Variants in AFG2A observed in about 807,000 individuals in gnomAD.
AFG2A encodes the protein AAA ATPase AFG2A.
chr4:123,143,175 T>A, the AFG2A span, among the ~76,000 whole-genome samples: 2 of 150,254 alleles, frequency 1.3e-5, no homozygotes, highest in African/African-American at 2.5e-5. Context: ...TATTATTAGT[T>A]TTTCCAGAAA....
chr4:123,012,735 GAT>G, the AFG2A span, among the ~76,000 whole-genome samples: 1 of 152,308 alleles, frequency 6.6e-6, no homozygotes, highest in South Asian at 2.1e-4. Flanking sequence ...GTGGCACCAA[GAT>G]TGAAAGGAGA....
At chr4:123,108,115 C>G in the AFG2A span, among the ~76,000 whole-genome samples, 1 of 152,210 alleles carries the variant, frequency 6.6e-6, no homozygotes, top group Non-Finnish European at 1.5e-5. Flanking sequence ...CTAGCCGCAC[C>G]TACCCAGTGC....
At chr4:123,241,438 TC>T in the AFG2A span, among the ~76,000 whole-genome samples, 1 of 152,196 alleles carries the variant, frequency 6.6e-6, no homozygotes, top group Non-Finnish European at 1.5e-5. Context: ...TCCACTATGA[TC>T]AAGTCAGCTT....
the AFG2A span, among the ~76,000 whole-genome samples, chr4:123,172,462 A>G: frequency 1.3e-5 from 2 of 152,310 alleles, no homozygotes; most frequent in Admixed American, 1.3e-4. Context: ...ATCCCTAATA[A>G]CGTTTTACAT....
the AFG2A span, among the ~76,000 whole-genome samples, chr4:122,925,800 G>T: frequency 1.3e-5 from 2 of 152,128 alleles, no homozygotes; most frequent in African/African-American, 4.8e-5. Context: ...CATCCTACAA[G>T]GCTATAAACT....
the AFG2A span, among the ~76,000 whole-genome samples, chr4:123,060,630 G>C: frequency 6.6e-6 from 1 of 152,102 alleles, no homozygotes; most frequent in South Asian, 2.1e-4. Context: ...GGCAGGGGGG[G>C]CCCTGGACCT....
the AFG2A span, among the ~76,000 whole-genome samples, chr4:122,945,450 G>T: frequency 2.4e-4 from 36 of 152,356 alleles, no homozygotes; most frequent in African/African-American, 7.2e-4. Context: ...CTCCGAGCCA[G>T]GTGCGGGATA....
chr4:123,125,992 T>C, the AFG2A span, among the ~76,000 whole-genome samples: 74 of 152,212 alleles, frequency 4.9e-4, no homozygotes, highest in Non-Finnish European at 7.6e-4. Flanking sequence ...AGGAGTGATA[T>C]ACTGTTAAGG....
the AFG2A span, among the ~76,000 whole-genome samples, chr4:122,968,215 A>G: frequency 6.6e-6 from 1 of 152,214 alleles, no homozygotes; most frequent in Non-Finnish European, 1.5e-5. Context: ...TATTTAAACC[A>G]GCTCTGTGTT....
chr4:122,960,721 T>C, the AFG2A span, among the ~76,000 whole-genome samples: 2 of 152,200 alleles, frequency 1.3e-5, no homozygotes, highest in African/African-American at 4.8e-5. Flanking sequence ...AATCTAATAA[T>C]TGTAACTTTT....
chr4:123,194,334 A>G, the AFG2A span, among the ~76,000 whole-genome samples: 9 of 152,182 alleles, frequency 5.9e-5, no homozygotes, highest in African/African-American at 2.2e-4. Flanking sequence ...AAAAAATTGC[A>G]AAAATCTCAG....
the AFG2A span, among the ~76,000 whole-genome samples, chr4:123,150,877 G>A: frequency 7.9e-5 from 12 of 152,118 alleles, no homozygotes; most frequent in African/African-American, 2.9e-4. Context: ...TATACTGCAA[G>A]GCTACAGTAA....
the AFG2A span, among the ~76,000 whole-genome samples, chr4:123,043,109 A>G: frequency 9.2e-5 from 14 of 152,144 alleles, no homozygotes; most frequent in Non-Finnish European, 1.8e-4. Context: ...GTCTGATAAT[A>G]TCTTGTCCTC....
the AFG2A span, among the ~76,000 whole-genome samples, chr4:123,115,922 C>A: frequency 4.6e-5 from 7 of 152,226 alleles, no homozygotes; most frequent in Non-Finnish European, 8.8e-5. Context: ...TTTTTTGAGA[C>A]AGAGTCTTGT....
the AFG2A span, among the ~76,000 whole-genome samples, chr4:122,941,967 A>G: frequency 3.3e-5 from 5 of 152,108 alleles, no homozygotes; most frequent in South Asian, 8.3e-4. Context: ...CCAGCCTTGC[A>G]TCCCAGGGAT....
the AFG2A span, among the ~76,000 whole-genome samples, chr4:123,313,386 T>C: frequency 6.6e-6 from 1 of 152,256 alleles, no homozygotes; most frequent in Non-Finnish European, 1.5e-5. Context: ...TGCTTTTACA[T>C]GTTGGTAATA....
At chr4:123,310,268 G>A in the AFG2A span, among the ~76,000 whole-genome samples, 1 of 152,214 alleles carries the variant, frequency 6.6e-6, no homozygotes, top group Non-Finnish European at 1.5e-5. Context: ...GCATTGACTA[G>A]CTTTCACTGT....
At chr4:123,180,057 T>A in the AFG2A span, among the ~76,000 whole-genome samples, 1 of 151,822 alleles carries the variant, frequency 6.6e-6, no homozygotes, top group South Asian at 2.1e-4. Flanking sequence ...TCATCTTTAC[T>A]GAAAATACAA....
At chr4:123,135,279 T>A in the AFG2A span, among the ~76,000 whole-genome samples, 1 of 152,172 alleles carries the variant, frequency 6.6e-6, no homozygotes, top group Non-Finnish European at 1.5e-5. Flanking sequence ...AGGCCATATA[T>A]GGCAAGTCTG....
Sources: gnomAD v4.1 joint callset for allele counts (sites outside exome capture counted in the v4.1 genomes callset) on GRCh38, gnomAD v4.1.1 for gene constraint, MANE v1.5 for transcripts, NCBI Gene and HGNC (gene_info 2026-07-23, HGNC 2026-07-21) for gene names.